MTHFD2L: variants seen among roughly 807,000 people sequenced by gnomAD.
MTHFD2L encodes bifunctional methylenetetrahydrofolate dehydrogenase/cyclohydrolase 2, mitochondrial.
Under a neutral mutation model 34.9 loss-of-function variants are expected in MTHFD2L, and 29 were observed. That is an observed-to-expected ratio of 0.83 (90% CI 0.62 to 1.13). MTHFD2L has a LOEUF of 1.13. MTHFD2L is among the 50% of genes most tolerant of loss of function. MTHFD2L has a pLI of 0.00. For missense variants in MTHFD2L, 481 were observed against 446.5 expected, an observed-to-expected ratio of 1.08 and a Z score of -0.70; for synonymous variants, 167 against 155.7, an observed-to-expected ratio of 1.07 and a Z score of -0.54.
At chr4:74,289,137 T>C (rs1248961275) in intron 7 of MTHFD2L, among the ~76,000 whole-genome samples, 3 of 152,210 alleles carry the variant, frequency 2.0e-5, no homozygotes, top group Non-Finnish European at 4.4e-5. Context: ...ATTTTGGTTA[T>C]AGGAGACAGA....
chr4:74,225,681 C>G (rs1039579560), intron 6 of MTHFD2L, among the ~76,000 whole-genome samples: 3 of 151,976 alleles, frequency 2.0e-5, no homozygotes, highest in African/African-American at 2.4e-5. Context: ...ACAGCATTTA[C>G]GGAAAAAGGT....
intron 1 of MTHFD2L, among the ~76,000 whole-genome samples, chr4:74,136,438 A>G (rs1722939654): frequency 6.6e-6 from 1 of 152,088 alleles, no homozygotes; most frequent in African/African-American, 2.4e-5. Context: ...AGACCTACAC[A>G]AGAAAAACTA....
intron 6 of MTHFD2L, among the ~76,000 whole-genome samples, chr4:74,239,323 C>A (rs1741340808): frequency 6.6e-6 from 1 of 151,880 alleles, no homozygotes; most frequent in Non-Finnish European, 1.5e-5. Context: ...CATCACACCC[C>A]CAGGCCTGTC....
chr4:74,192,096 G>C (rs1277992408), intron 3 of MTHFD2L, among the ~76,000 whole-genome samples: 1 of 152,022 alleles, frequency 6.6e-6, no homozygotes, highest in East Asian at 1.9e-4. Flanking sequence ...AGAAATTTCT[G>C]TCCTTTTGAG....
chr4:74,188,019 C>G (rs1204220692), intron 3 of MTHFD2L, among the ~76,000 whole-genome samples: 1 of 152,158 alleles, frequency 6.6e-6, no homozygotes, highest in Non-Finnish European at 1.5e-5. Flanking sequence ...CAATAGAATA[C>G]TACTCAGCAA....
intron 6 of MTHFD2L, among the ~76,000 whole-genome samples, chr4:74,263,947 C>T (rs1476236787): frequency 6.6e-6 from 1 of 151,812 alleles, no homozygotes; most frequent in African/African-American, 2.4e-5. Flanking sequence ...CAAACTAAAA[C>T]AAACAAAAAT....
intron 7 of MTHFD2L, among the ~76,000 whole-genome samples, chr4:74,294,752 T>A (rs1205532064): frequency 6.6e-6 from 1 of 152,136 alleles, no homozygotes; most frequent in Non-Finnish European, 1.5e-5. Context: ...CATTGAAAGA[T>A]GGTTGTCTTC....
At chr4:74,261,508 G>A (rs551380970) in intron 6 of MTHFD2L, among the ~76,000 whole-genome samples, 1 of 152,054 alleles carries the variant, frequency 6.6e-6, no homozygotes, top group Non-Finnish European at 1.5e-5. Context: ...GTTTTTGCGT[G>A]GGAGAATTTA....
chr4:74,179,358 C>T lies in MTHFD2L; in HGVS notation c.451+3955C>T, dbSNP rs559828051. Among the ~76,000 whole-genome samples the T allele has an allele frequency of 6.6e-5, 10 of 152,110 alleles. No individual in the cohort carries two copies. In the South Asian group the frequency reaches 1.0e-3, roughly 16 times the overall value. On this transcript the variant is annotated intron_variant, in intron 3 of 7. Coordinates refer to ENST00000325278, the MANE Select transcript of MTHFD2L (RefSeq NM_001144978.3). ...CCATACTTATAACCTATATTTTTTACGATTTTTACCTTGCTCAATAATGGT... is the reference window on the plus strand; with the variant it reads ...CCATACTTATAACCTATATTTTTTATGATTTTTACCTTGCTCAATAATGGT...
chr4:74,140,160 C>T (rs1042600734), intron 1 of MTHFD2L, among the ~76,000 whole-genome samples: 1 of 151,716 alleles, frequency 6.6e-6, no homozygotes, highest in Non-Finnish European at 1.5e-5. Flanking sequence ...AAAAAAATAG[C>T]TGACATGGTG....
intron 1 of MTHFD2L, among the ~76,000 whole-genome samples, chr4:74,126,580 G>A (rs72652946): frequency 0.036 from 5,436 of 151,842 alleles, 125 homozygotes; most frequent in Non-Finnish European, 0.052. Context: ...TGTGGCCATA[G>A]ACGTAAGAAG....
intron 5 of MTHFD2L, among the ~76,000 whole-genome samples, chr4:74,222,409 G>A (rs1157137437): frequency 6.6e-6 from 1 of 152,140 alleles, no homozygotes; most frequent in Admixed American, 6.6e-5. Context: ...GAGGGCAAGA[G>A]CAAGACAGAA....
intron 6 of MTHFD2L, chr4:74,267,225 T>C (rs1745392030): frequency 2.0e-6 from 2 of 985,212 alleles, no homozygotes; most frequent in African/African-American, 3.5e-5. Flanking sequence ...CTGCAGTCTC[T>C]CCTCATTCCC....
At chr4:74,300,241 CAT>C (rs1750128768) in intron 7 of MTHFD2L, among the ~76,000 whole-genome samples, 1 of 151,958 alleles carries the variant, frequency 6.6e-6, no homozygotes, top group Admixed American at 6.6e-5. Flanking sequence ...ATTCATAACA[CAT>C]GTTAACTATA....
Position 74,158,187 on chromosome 4 carries a change from C to T in MTHFD2L, c.49C>T (p.Arg17Ter). The change falls in exon 1 of 8, where the codon CGA becomes TGA. Residue 17 changes from arginine to a stop codon, truncating the protein, a stop_gained. Transcript: ENST00000325278. LOFTEE classifies it high-confidence loss of function. ...GFSLLRGRLG[R>*]APALGRSTAP... ...CTCGCTGCTCCGCGGCCGCCTTGGCCGAGCGCCGGCGTTGGGCAGAAGCAC... is the reference window on the plus strand; with the variant it reads ...CTCGCTGCTCCGCGGCCGCCTTGGCTGAGCGCCGGCGTTGGGCAGAAGCAC... 6.6e-7 allele frequency: 1 copy of T among 1,525,560 alleles called. No homozygotes were observed. The highest frequency in any genetic ancestry group is 8.8e-7 in the Non-Finnish European group (1 of 1,137,266). The allele number at this position is 1,525,560 out of a possible 1,614,324, so 94.5% of individuals were successfully genotyped here. A position where few individuals can be genotyped will look rare whatever the true frequency, so the allele number is the denominator to read the frequency against.
At chr4:74,282,197 C>T (rs1747585149) in intron 7 of MTHFD2L, among the ~76,000 whole-genome samples, 1 of 152,100 alleles carries the variant, frequency 6.6e-6, no homozygotes, top group African/African-American at 2.4e-5. Context: ...GCCTGACCCT[C>T]TAATCTGATT....
chr4:74,289,016 A>G (rs1011963816), intron 7 of MTHFD2L, among the ~76,000 whole-genome samples: 3 of 152,084 alleles, frequency 2.0e-5, no homozygotes, highest in Admixed American at 2.0e-4. Context: ...AGGTTCATTC[A>G]TTTAGTTGTT....
intron 2 of MTHFD2L, among the ~76,000 whole-genome samples, chr4:74,118,111 G>C (rs1260467423): frequency 6.6e-6 from 1 of 152,052 alleles, no homozygotes; most frequent in African/African-American, 2.4e-5. Context: ...ATGAAATTAT[G>C]AATAACACTG....
intron 1 of MTHFD2L, among the ~76,000 whole-genome samples, chr4:74,172,600 G>C (rs1728236670): frequency 6.6e-6 from 1 of 152,106 alleles, no homozygotes; most frequent in African/African-American, 2.4e-5. Context: ...TTTCAAACAT[G>C]GTCATACACA....
Sources: allele counts gnomAD v4.1 joint callset (sites outside exome capture counted in the v4.1 genomes callset), GRCh38; gene constraint gnomAD v4.1.1; transcripts MANE v1.5; gene names NCBI Gene and HGNC (gene_info 2026-07-23, HGNC 2026-07-21).